Variants in CSMD1 observed in about 807,000 individuals in gnomAD.
CSMD1 encodes CUB and Sushi multiple domains 1.
CSMD1 carries 213 observed loss-of-function variants against 417.5 expected under a neutral mutation model. The ratio of observed to expected loss-of-function variants is 0.51; its 90% CI spans 0.46 to 0.57. CSMD1 has a LOEUF of 0.57. Among genes scored for constraint, CSMD1 ranks in the 20% least tolerant of loss-of-function variants. The pLI is 0.00. For missense variants in CSMD1, 6,923 were observed against 4,529.7 expected, an observed-to-expected ratio of 1.53 and a Z score of -15.17; for synonymous variants, 2,862 against 1,736.8, an observed-to-expected ratio of 1.65 and a Z score of -16.11.
At chr8:4,499,197 G>C (rs1229433161) in intron 2 of CSMD1, among the ~76,000 whole-genome samples, 1 of 152,286 alleles carries the variant, frequency 6.6e-6, no homozygotes, top group South Asian at 2.1e-4. Flanking sequence ...AAATTGAGGA[G>C]CCTCAGAAAG....
intron 26 of CSMD1, among the ~76,000 whole-genome samples, chr8:3,252,835 C>A (rs1800373905): frequency 6.6e-6 from 1 of 152,120 alleles, no homozygotes; most frequent in Non-Finnish European, 1.5e-5. Context: ...TCTAGATTTT[C>A]TAGTTTATTT....
chr8:3,617,361 C>T (rs1320871726), intron 7 of CSMD1, among the ~76,000 whole-genome samples: 1 of 152,192 alleles, frequency 6.6e-6, no homozygotes, highest in Non-Finnish European at 1.5e-5. Context: ...GGGACTTGCA[C>T]CATCACAGAA....
intron 5 of CSMD1, among the ~76,000 whole-genome samples, chr8:3,805,634 G>C (rs532059494): frequency 6.6e-6 from 1 of 152,256 alleles, no homozygotes; most frequent in Admixed American, 6.5e-5. Context: ...ATATTACCTT[G>C]GTGGGGAGTA....
At chr8:3,490,233 G>C (rs17322708) in intron 11 of CSMD1, among the ~76,000 whole-genome samples, 9 of 151,950 alleles carry the variant, frequency 5.9e-5, no homozygotes, top group Non-Finnish European at 1.3e-4. Flanking sequence ...TTCCCAAAGG[G>C]CATCTCAGTT....
intron 15 of CSMD1, among the ~76,000 whole-genome samples, chr8:3,402,897 G>C (rs965587241): frequency 2.6e-5 from 4 of 151,846 alleles, no homozygotes; most frequent in African/African-American, 9.7e-5. Context: ...TTCTACGTTA[G>C]AGGACTTAAA....
chr8:4,404,353 C>T (rs1032101757), intron 3 of CSMD1, among the ~76,000 whole-genome samples: 2 of 152,042 alleles, frequency 1.3e-5, no homozygotes, highest in African/African-American at 2.4e-5. Context: ...GACCCATGAG[C>T]GCAGGGATTT....
intron 26 of CSMD1, among the ~76,000 whole-genome samples, chr8:3,240,764 G>A (rs1489670420): frequency 6.6e-6 from 1 of 152,108 alleles, no homozygotes; most frequent in East Asian, 1.9e-4. Context: ...TATGGGTTTG[G>A]CACCACTGGG....
At chr8:3,292,232 G>C (rs1403827682) in intron 25 of CSMD1, among the ~76,000 whole-genome samples, 1 of 152,202 alleles carries the variant, frequency 6.6e-6, no homozygotes, top group Non-Finnish European at 1.5e-5. Flanking sequence ...TTGCTGAGGA[G>C]TGCTTTACTT....
At chr8:4,119,371 A>G (rs1802348235) in intron 3 of CSMD1, among the ~76,000 whole-genome samples, 1 of 152,240 alleles carries the variant, frequency 6.6e-6, no homozygotes, top group African/African-American at 2.4e-5. Flanking sequence ...CATTTTTTAA[A>G]GAGGTTGATC....
At chr8:4,155,943 C>T (rs1237786529) in intron 3 of CSMD1, among the ~76,000 whole-genome samples, 1 of 152,178 alleles carries the variant, frequency 6.6e-6, no homozygotes, top group Non-Finnish European at 1.5e-5. Context: ...AGGTGTTCTG[C>T]AGCTGCACAT....
At chr8:4,471,259 A>C (rs1800513648) in intron 2 of CSMD1, among the ~76,000 whole-genome samples, 1 of 152,216 alleles carries the variant, frequency 6.6e-6, no homozygotes, top group African/African-American at 2.4e-5. Flanking sequence ...TCCTACTTAA[A>C]AAAATCAGGA....
chr8:3,825,406 G>A (rs1801997771), intron 5 of CSMD1, among the ~76,000 whole-genome samples: 1 of 152,160 alleles, frequency 6.6e-6, no homozygotes. Context: ...GTAGGCACCT[G>A]TAATCCCAGG....
chr8:3,151,947 G>A (rs189098139), intron 39 of CSMD1, among the ~76,000 whole-genome samples: 12 of 152,266 alleles, frequency 7.9e-5, no homozygotes, highest in African/African-American at 2.9e-4. Context: ...AACCCTGAAA[G>A]GATTACCATT....
At chr8:4,116,908 G>T (rs7832114) in intron 3 of CSMD1, among the ~76,000 whole-genome samples, 150,397 of 152,038 alleles carry the variant, frequency 0.99, 74,416 homozygotes, top group East Asian at 1. Flanking sequence ...AGAAAGTGAG[G>T]TACTCGAAAT....
intron 12 of CSMD1, among the ~76,000 whole-genome samples, chr8:3,468,264 C>T (rs1362879236): frequency 1.3e-5 from 2 of 152,132 alleles, no homozygotes; most frequent in Non-Finnish European, 2.9e-5. Context: ...TAAACTAGCT[C>T]AAAAACAATG....
intron 3 of CSMD1, among the ~76,000 whole-genome samples, chr8:4,398,676 T>G (rs1162923729): frequency 1.3e-5 from 2 of 152,176 alleles, no homozygotes; most frequent in African/African-American, 4.8e-5. Context: ...ATTACAGGCA[T>G]GAGCCATCAC....
chr8:4,582,482 C>A (rs1235414802), intron 2 of CSMD1, among the ~76,000 whole-genome samples: 1 of 152,174 alleles, frequency 6.6e-6, no homozygotes, highest in African/African-American at 2.4e-5. Flanking sequence ...ACTCTTTCCT[C>A]CAGGCACCAG....
At chr8:4,731,383 C>T (rs901259333) in intron 1 of CSMD1, among the ~76,000 whole-genome samples, 9 of 152,112 alleles carry the variant, frequency 5.9e-5, no homozygotes, top group Admixed American at 1.3e-4. Flanking sequence ...TGACACATTC[C>T]CCCACCTGTG....
At chr8:4,688,988 G>C (rs557166086) in intron 1 of CSMD1, among the ~76,000 whole-genome samples, 1 of 152,318 alleles carries the variant, frequency 6.6e-6, no homozygotes, top group East Asian at 1.9e-4. Flanking sequence ...CAATTACCCA[G>C]AGGAAGTTAT....
Sources: allele counts gnomAD v4.1 joint callset (sites outside exome capture counted in the v4.1 genomes callset), GRCh38; gene constraint gnomAD v4.1.1; transcripts MANE v1.5; gene names NCBI Gene and HGNC (gene_info 2026-07-23, HGNC 2026-07-21).